CAST: variants seen among roughly 807,000 people sequenced by gnomAD.
CAST encodes the protein MIR583 host.
In CAST, 76 loss-of-function variants were observed where a neutral mutation model predicts 119.6. The observed-to-expected ratio is 0.64, with a 90% CI of 0.53 to 0.77. The LOEUF is 0.77. CAST is among the 30% of genes least tolerant of loss of function. The pLI is 0.00. For synonymous variants in CAST, 319 were observed against 331.6 expected, an observed-to-expected ratio of 0.96 and a Z score of 0.41; for missense variants, 953 against 946.5, an observed-to-expected ratio of 1.01 and a Z score of -0.09.
At chr5:96,616,485 G>A (rs1218165309) in intron 1 of CAST, among the ~76,000 whole-genome samples, 8 of 152,090 alleles carry the variant, frequency 5.3e-5, no homozygotes, top group Non-Finnish European at 1.2e-4. Context: ...TAGTGCCTGG[G>A]ACATTGATGT....
chr5:96,281,517 T>A, the CAST span, among the ~76,000 whole-genome samples: 1 of 152,170 alleles, frequency 6.6e-6, no homozygotes, highest in Non-Finnish European at 1.5e-5. Context: ...TATTTCTCTC[T>A]CACATAAGGG....
At chr5:96,074,315 G>A in the CAST span, among the ~76,000 whole-genome samples, 4 of 152,204 alleles carry the variant, frequency 2.6e-5, no homozygotes, top group African/African-American at 7.2e-5. Context: ...CAGTGTGGTG[G>A]TATTTGGAGT....
At chr5:96,570,360 G>T (rs1201440185) in intron 1 of CAST, among the ~76,000 whole-genome samples, 1 of 152,182 alleles carries the variant, frequency 6.6e-6, no homozygotes, top group African/African-American at 2.4e-5. Context: ...ATGGAGCCAT[G>T]GCCTGGATTA....
the CAST span, among the ~76,000 whole-genome samples, chr5:96,179,514 C>T: frequency 6.6e-6 from 1 of 152,184 alleles, no homozygotes; most frequent in African/African-American, 2.4e-5. Flanking sequence ...AGGGCAAGTG[C>T]AGGGTTTTCA....
chr5:96,513,694 G>C, the CAST span, among the ~76,000 whole-genome samples: 1 of 152,172 alleles, frequency 6.6e-6, no homozygotes, highest in African/African-American at 2.4e-5. Context: ...TGTTCCAAGA[G>C]AAAATGAAAG....
rs569225039 is a variant in CAST at position 96,549,477 on chromosome 5, C to T, written c.60+19597C>T. Among the ~76,000 whole-genome samples the T allele has an allele frequency of 2.0e-5, 3 of 152,312 alleles. 1 individual carries two copies. The highest frequency in any genetic ancestry group is 2.0e-4 in the Admixed American group (3 of 15,306). On this transcript the variant is annotated intron_variant, in intron 1 of 11. Coordinates refer to the CAST transcript ENST00000505143. ...GGTCTATAGTTCCCAGTGAGATTGA[C>T]ACAGAAGATGGGTGATTTCTGCATT...
chr5:96,358,874 C>A, the CAST span, among the ~76,000 whole-genome samples: 72 of 152,248 alleles, frequency 4.7e-4, no homozygotes, highest in African/African-American at 1.7e-3. Flanking sequence ...GAGTTCAAGT[C>A]CTGAACATCC....
chr5:96,292,609 G>A, the CAST span, among the ~76,000 whole-genome samples: 1 of 152,226 alleles, frequency 6.6e-6, no homozygotes, highest in Non-Finnish European at 1.5e-5. Context: ...CTCACAAGGT[G>A]ATTATGTTGA....
the CAST span, among the ~76,000 whole-genome samples, chr5:96,259,081 G>A: frequency 3.3e-5 from 5 of 152,122 alleles, 1 homozygote; most frequent in South Asian, 4.1e-4. Context: ...CAGAGGAAGG[G>A]GAAAGTATGT....
the CAST span, among the ~76,000 whole-genome samples, chr5:96,053,983 T>C: frequency 6.6e-6 from 1 of 152,154 alleles, no homozygotes; most frequent in Non-Finnish European, 1.5e-5. Context: ...CTCTTACCTA[T>C]GCAGTTGTTG....
chr5:96,661,510 C>T (rs1748474256), upstream of CAST, among the ~76,000 whole-genome samples: 1 of 151,566 alleles, frequency 6.6e-6, no homozygotes, highest in African/African-American at 2.4e-5. Flanking sequence ...CCCCAAGTCC[C>T]AGAATGATGA....
chr5:96,189,496 T>C, the CAST span, among the ~76,000 whole-genome samples: 1 of 152,186 alleles, frequency 6.6e-6, no homozygotes. Flanking sequence ...AAATATTCAG[T>C]GGCCTTTTCA....
At chr5:96,766,827 C>T (rs535333784) in intron 27 of CAST, among the ~76,000 whole-genome samples, 22 of 152,140 alleles carry the variant, frequency 1.4e-4, no homozygotes, top group Non-Finnish European at 2.6e-4. Flanking sequence ...AAATTACACC[C>T]TTCTCTTTCT....
the CAST span, among the ~76,000 whole-genome samples, chr5:96,518,971 G>A: frequency 6.6e-6 from 1 of 151,850 alleles, no homozygotes; most frequent in Non-Finnish European, 1.5e-5. Context: ...CTGAGGCAGA[G>A]AATTGCTTAA....
chr5:96,253,335 C>T, the CAST span, among the ~76,000 whole-genome samples: 25 of 152,088 alleles, frequency 1.6e-4, no homozygotes, highest in Admixed American at 1.6e-3. Context: ...AAACCTGGCA[C>T]ATACTAAGAT....
At chr5:96,627,758 A>G (rs759115048) in intron 1 of CAST, among the ~76,000 whole-genome samples, 3 of 152,230 alleles carry the variant, frequency 2.0e-5, no homozygotes, top group Non-Finnish European at 4.4e-5. Context: ...AGGAACCTAG[A>G]TAGGTAATTG....
the CAST span, among the ~76,000 whole-genome samples, chr5:96,302,529 C>T: frequency 1.3e-5 from 2 of 152,032 alleles, no homozygotes; most frequent in African/African-American, 2.4e-5. Flanking sequence ...ATATAAGTTC[C>T]ACTTTCAGGT....
intron 1 of CAST, among the ~76,000 whole-genome samples, chr5:96,562,017 C>A (rs1746381731): frequency 6.6e-6 from 1 of 150,786 alleles, no homozygotes; most frequent in African/African-American, 2.4e-5. Flanking sequence ...TGGTCTCGAT[C>A]TCCTGACCTC....
chr5:96,598,222 A>G (rs1747088013), intron 1 of CAST, among the ~76,000 whole-genome samples: 1 of 152,162 alleles, frequency 6.6e-6, no homozygotes, highest in South Asian at 2.1e-4. Flanking sequence ...CTACAGGAAA[A>G]CATGTTCTGT....
Sources: allele counts gnomAD v4.1 joint callset (sites outside exome capture counted in the v4.1 genomes callset), GRCh38; gene constraint gnomAD v4.1.1; transcripts MANE v1.5; gene names NCBI Gene and HGNC (gene_info 2026-07-23, HGNC 2026-07-21).